Variants in NAV3 observed in about 807,000 individuals in gnomAD.
NAV3 encodes neuron navigator 3, also known as pore membrane and/or filament interacting like protein 1.
In NAV3, 87 loss-of-function variants were observed where a neutral mutation model predicts 244.7. The ratio of observed to expected loss-of-function variants is 0.36; its 90% CI spans 0.30 to 0.42. NAV3 has a LOEUF of 0.42. NAV3 is among the 20% of genes least tolerant of loss of function. The pLI is 1.00. For missense variants in NAV3, 2,663 were observed against 2,893.3 expected, an observed-to-expected ratio of 0.92 and a Z score of 1.83; for synonymous variants, 1,126 against 1,042.2, an observed-to-expected ratio of 1.08 and a Z score of -1.55.
chr12:77,580,370 C>G (rs981086708), intron 2 of NAV3, among the ~76,000 whole-genome samples: 1 of 152,138 alleles, frequency 6.6e-6, no homozygotes, highest in African/African-American at 2.4e-5. Flanking sequence ...TGAGCTGCAT[C>G]TTAGTGGTTC....
chr12:78,156,383 G>C (rs1957306489), intron 22 of NAV3, among the ~76,000 whole-genome samples: 1 of 152,052 alleles, frequency 6.6e-6, no homozygotes, highest in Non-Finnish European at 1.5e-5. Context: ...TTAGTAACCA[G>C]TTATAAGTTT....
intron 1 of NAV3, among the ~76,000 whole-genome samples, chr12:77,895,309 T>TTGTGTGTG (rs71440496): frequency 0.015 from 2,301 of 148,542 alleles, 40 homozygotes; most frequent in Middle Eastern, 0.052. Flanking sequence ...TTTAGAATGA[T>TTGTGTGTG]TGTGTGTGTG....
chr12:77,839,669 T>C (rs1322966264), intron 1 of NAV3, among the ~76,000 whole-genome samples: 1 of 152,190 alleles, frequency 6.6e-6, no homozygotes, highest in Non-Finnish European at 1.5e-5. Flanking sequence ...TATAATATTA[T>C]AAAAGTATCT....
At chr12:78,151,248 A>G (rs1164937339) in intron 22 of NAV3, among the ~76,000 whole-genome samples, 1 of 152,096 alleles carries the variant, frequency 6.6e-6, no homozygotes, top group Non-Finnish European at 1.5e-5. Context: ...GGAGACTGAT[A>G]TATATCCTGT....
intron 2 of NAV3, among the ~76,000 whole-genome samples, chr12:77,606,604 C>T (rs11105880): frequency 0.17 from 26,259 of 152,030 alleles, 2,591 homozygotes; most frequent in Admixed American, 0.23. Flanking sequence ...CTGAGTTCAT[C>T]TGTTATATGT....
intron 12 of NAV3, among the ~76,000 whole-genome samples, chr12:78,109,223 A>G (rs1368577721): frequency 6.6e-6 from 1 of 152,094 alleles, no homozygotes; most frequent in Non-Finnish European, 1.5e-5. Flanking sequence ...ATTCCTAGAA[A>G]CTTACAACCT....
At chr12:77,654,607 T>A (rs1872994171) in intron 2 of NAV3, among the ~76,000 whole-genome samples, 1 of 152,042 alleles carries the variant, frequency 6.6e-6, no homozygotes, top group Admixed American at 6.5e-5. Context: ...GAGCAGTGGT[T>A]CTCCCAGCAC....
At chr12:77,617,960 G>A (rs1871206970) in intron 2 of NAV3, among the ~76,000 whole-genome samples, 1 of 152,208 alleles carries the variant, frequency 6.6e-6, no homozygotes, top group Admixed American at 6.5e-5. Flanking sequence ...TGAGGCAATA[G>A]TTAGCAAACA....
At chr12:78,013,436 G>C (rs1875645850) in intron 8 of NAV3, among the ~76,000 whole-genome samples, 1 of 152,106 alleles carries the variant, frequency 6.6e-6, no homozygotes, top group Non-Finnish European at 1.5e-5. Flanking sequence ...AGATAAGTAG[G>C]ATTTGGTAAT....
chr12:77,966,463 A>G (rs1892524890), intron 4 of NAV3, among the ~76,000 whole-genome samples, 162 bp downstream of exon 4: 1 of 152,188 alleles, frequency 6.6e-6, no homozygotes, highest in African/African-American at 2.4e-5. Flanking sequence ...ATGGTTATTA[A>G]TATGTGCTCT....
intron 32 of NAV3, 84 bp from the exon 33 acceptor site, chr12:78,188,525 G>A (rs2139846643): frequency 1.5e-6 from 2 of 1,356,844 alleles, no homozygotes; most frequent in South Asian, 2.7e-5. Context: ...TTGACAACTA[G>A]CTCTATATCC....
chr12:77,603,548 G>T (rs1413092221), intron 2 of NAV3, among the ~76,000 whole-genome samples: 5 of 151,978 alleles, frequency 3.3e-5, no homozygotes, highest in Admixed American at 6.6e-5. Context: ...TTAGTACACT[G>T]GTATAAGTAG....
chr12:77,739,211 AATACTGCCTACTACATCTTAT>A (rs1029629210), intron 2 of NAV3, among the ~76,000 whole-genome samples: 5 of 152,084 alleles, frequency 3.3e-5, no homozygotes, highest in African/African-American at 2.4e-5. Flanking sequence ...TATGATTTAA[AATACTGCCTACTACATCTTAT>A]ATAGTATATA....
At chr12:77,659,178 C>G (rs555797503) in intron 2 of NAV3, among the ~76,000 whole-genome samples, 1 of 151,736 alleles carries the variant, frequency 6.6e-6, no homozygotes, top group African/African-American at 2.4e-5. Flanking sequence ...AGGCAACCCA[C>G]AAAATGGGAG....
chr12:78,017,018 A>G (rs190314205), intron 8 of NAV3, among the ~76,000 whole-genome samples: 1 of 152,260 alleles, frequency 6.6e-6, no homozygotes. Context: ...AGTAGTTAAT[A>G]GAGCAACATT....
chr12:77,717,886 G>A (rs542233892), intron 2 of NAV3, among the ~76,000 whole-genome samples: 1 of 152,166 alleles, frequency 6.6e-6, no homozygotes, highest in South Asian at 2.1e-4. Flanking sequence ...TGACCCTTTT[G>A]TCTATTGAAA....
In NAV3 at chr12:78,097,550, G is replaced by A. The variant is rs187355447; in HGVS notation, c.2637-19222G>A. Reference sequence around the variant, plus strand: ...TTAAAGCAATGTTCCTCACCAAGGCGATGTTCTGAATGTTTTAAAATGGAA... The same window carrying A: ...TTAAAGCAATGTTCCTCACCAAGGCAATGTTCTGAATGTTTTAAAATGGAA... On this transcript the variant is annotated intron_variant, in intron 12 of 39. Coordinates refer to ENST00000397909, the MANE Select transcript of NAV3 (RefSeq NM_001024383.2). 5.9e-5 allele frequency among the ~76,000 whole-genome samples: 9 copies of A among 152,258 alleles called. No individual in the cohort carries two copies. The East Asian group carries it at 1.2e-3, about 20-fold the overall frequency.
chr12:77,680,124 G>T (rs890542531), intron 2 of NAV3, among the ~76,000 whole-genome samples: 22 of 152,244 alleles, frequency 1.4e-4, no homozygotes, highest in Middle Eastern at 3.4e-3. Flanking sequence ...GGGAAAGGGG[G>T]TATTGACTGA....
chr12:77,685,119 A>C (rs1217432727), intron 2 of NAV3, among the ~76,000 whole-genome samples: 1 of 152,122 alleles, frequency 6.6e-6, no homozygotes, highest in Non-Finnish European at 1.5e-5. Flanking sequence ...ACTTTTAATG[A>C]GTTGCTTTGA....
Sources: gnomAD v4.1 joint callset for allele counts (sites outside exome capture counted in the v4.1 genomes callset) on GRCh38, gnomAD v4.1.1 for gene constraint, MANE v1.5 for transcripts, NCBI Gene and HGNC (gene_info 2026-07-23, HGNC 2026-07-21) for gene names.